Variants in ICA1 observed in about 807,000 individuals in gnomAD.
The protein encoded by ICA1 is islet cell autoantigen 1, also known as 69 kDa islet cell autoantigen.
A neutral mutation model predicts 71.0 loss-of-function variants in ICA1; 40 were observed. The observed-to-expected ratio is 0.56, with a 90% CI of 0.44 to 0.73. The LOEUF (loss-of-function observed/expected upper bound fraction) is 0.73, where lower values mean the gene tolerates loss of function less well. ICA1 is among the 30% of genes least tolerant of loss of function. The pLI, the probability that ICA1 is intolerant of heterozygous loss-of-function variation, is 0.00. For missense variants in ICA1, 578 were observed against 576.5 expected (o/e 1.00, Z -0.03); for synonymous variants, 207 against 209.5 (o/e 0.99, Z 0.10).
intron 6 of ICA1, among the ~76,000 whole-genome samples, chr7:8,199,842 G>T (rs1020864092): frequency 6.6e-6 from 1 of 152,208 alleles, no homozygotes; most frequent in Non-Finnish European, 1.5e-5. Flanking sequence ...TCACTTATTT[G>T]TGGAACCTAA....
rs769814593 is a variant in ICA1, at chr7:8,141,788, C to A, written c.932G>T (p.Arg311Leu). ...QLISLEEENQ[R>L]KESSSFKTED... Reference sequence around the variant, plus strand: ...ACTCTTAAAACTAGAGGATTCCTTGCGCTGGTTTTCTTCCTCTAATGAAAT... The same window carrying A: ...ACTCTTAAAACTAGAGGATTCCTTGAGCTGGTTTTCTTCCTCTAATGAAAT... Residue 311 changes from arginine (R) to leucine (L), a missense_variant, in exon 10 of 14, where the codon CGC (arginine) becomes CTC (leucine). Transcript: ENST00000402384. 3.8e-6 allele frequency: 6 copies of A among 1,569,624 alleles called. No individual in the cohort carries two copies. Among genetic ancestry groups the A allele is most frequent in the South Asian group, 2.3e-5 (2 of 86,802 alleles).
At chr7:8,129,675 C>A (rs1237081007) in intron 12 of ICA1, among the ~76,000 whole-genome samples, 1 of 152,176 alleles carries the variant, frequency 6.6e-6, no homozygotes, top group Non-Finnish European at 1.5e-5. Flanking sequence ...GCATTTTAAA[C>A]AGGCTTCTGA....
rs1343855286 is a variant in ICA1, at chr7:8,216,140, T to C, written c.579+2165A>G. Among the ~76,000 whole-genome samples the C allele has an allele frequency of 2.6e-5, 4 of 152,330 alleles. No homozygotes were observed. In the South Asian group the frequency reaches 8.3e-4, roughly 32 times the overall value. The stretch of plus-strand genomic sequence containing the variant: ...TGAGGTCAGCTGCAAATGGCGGGAA[T>C]GCCCTACAGGTTTGAGAAAACATGG... On this transcript the variant is annotated intron_variant, in intron 6 of 13. Coordinates refer to ENST00000402384, the MANE Select transcript of ICA1 (RefSeq NM_001136020.3).
At chr7:8,158,677 G>T in intron 6 of ICA1, 25 bp from the exon 7 acceptor site, 1 of 1,613,116 alleles carries the variant, frequency 6.2e-7, no homozygotes, top group South Asian at 1.1e-5. Flanking sequence ...AGGAATTTCT[G>T]AATCACCCTA....
At chr7:8,220,974 A>C (rs1428126279) in intron 5 of ICA1, among the ~76,000 whole-genome samples, 1 of 152,140 alleles carries the variant, frequency 6.6e-6, no homozygotes, top group Non-Finnish European at 1.5e-5. Context: ...TACAAGCAAC[A>C]CTGAAGGTCA....
chr7:8,138,986 T>C lies in ICA1; in HGVS notation c.1017A>G (p.Ser339=). 3 of 1,611,998 alleles carry C rather than the reference T, an allele frequency of 1.9e-6. No homozygotes were observed. The highest frequency in any genetic ancestry group is 3.3e-5 in the Admixed American group (2 of 59,984). ...LDKGSTHTAC[S]GPIDELLDMK... Reference sequence around the variant, plus strand: ...GTAGTTTTCCTTAATCTAGGTTACCTGAGCATGCAGTATGTGTAGAGCCTT... The same window carrying C: ...GTAGTTTTCCTTAATCTAGGTTACCCGAGCATGCAGTATGTGTAGAGCCTT... The change falls in exon 11 of 14, where the codon TCA becomes TCG. Residue 339 remains serine, a splice_region_variant and synonymous_variant. Coordinates refer to ENST00000402384, the MANE Select transcript of ICA1 (RefSeq NM_001136020.3).
At chr7:8,180,291 A>G (rs528270519) in intron 6 of ICA1, among the ~76,000 whole-genome samples, 8 of 152,160 alleles carry the variant, frequency 5.3e-5, no homozygotes, top group Non-Finnish European at 8.8e-5. Flanking sequence ...ATATTGTGAT[A>G]TCTAGTTTCT....
rs983160071 is a variant in ICA1 at position 8,130,832 on chromosome 7, G to C, written c.1061-2690C>G. Among the ~76,000 whole-genome samples, 1 of 152,174 alleles carries C rather than the reference G, an allele frequency of 6.6e-6. No individual in the cohort carries two copies. Among genetic ancestry groups the C allele is most frequent in the African/African-American group, 2.4e-5 (1 of 41,438 alleles). On this transcript the variant is annotated intron_variant, in intron 12 of 13. Transcript: ENST00000402384. This position sits in a 1 kb window ranked among gnomAD's most constrained non-coding sequence, Gnocchi z 4.2. ...TAATAGCTCCATCTTTGTTTTTATT[G>C]TTTAGGTTTTGTGCTATGGTGTTTA...
At chr7:8,134,830 G>C (rs1256819718) in intron 12 of ICA1, among the ~76,000 whole-genome samples, 1 of 151,578 alleles carries the variant, frequency 6.6e-6, no homozygotes, top group African/African-American at 2.4e-5. Flanking sequence ...CCTACTCCCT[G>C]AAAAACAAAA....
intron 6 of ICA1, among the ~76,000 whole-genome samples, chr7:8,174,324 C>T (rs1204789144): frequency 1.3e-5 from 2 of 152,086 alleles, no homozygotes; most frequent in Non-Finnish European, 2.9e-5. Flanking sequence ...TGAAAAGGTA[C>T]CTATGACAAT....
At chr7:8,213,628 G>T (rs184079030) in intron 6 of ICA1, among the ~76,000 whole-genome samples, 212 of 152,278 alleles carry the variant, frequency 1.4e-3, no homozygotes, top group Non-Finnish European at 2.3e-3. Flanking sequence ...AAAAACCAAT[G>T]ATTTCAGCAG....
At chr7:8,178,491 A>T (rs1781257289) in intron 6 of ICA1, among the ~76,000 whole-genome samples, 1 of 152,142 alleles carries the variant, frequency 6.6e-6, no homozygotes, top group African/African-American at 2.4e-5. Context: ...CCTGCTGCAC[A>T]GAAATATACA....
intron 8 of ICA1, among the ~76,000 whole-genome samples, chr7:8,154,977 T>C (rs1262175253): frequency 1.3e-5 from 2 of 152,182 alleles, no homozygotes; most frequent in Non-Finnish European, 2.9e-5. Context: ...TTTTTGACAC[T>C]AAAAGTAATG....
intron 2 of ICA1, 57 bp from the exon 3 acceptor site, chr7:8,232,812 T>C (rs1800666208): frequency 2.9e-6 from 4 of 1,382,604 alleles, no homozygotes; most frequent in South Asian, 1.7e-5. Flanking sequence ...TAAGATATTT[T>C]AGTGTGAAAT....
intron 6 of ICA1, among the ~76,000 whole-genome samples, chr7:8,195,270 C>G (rs1041918633): frequency 6.6e-6 from 1 of 152,210 alleles, no homozygotes; most frequent in African/African-American, 2.4e-5. Context: ...CGGTGGCCCA[C>G]GCCTGCAATC....
rs1319014108 is a variant in ICA1, at chr7:8,223,480, ATACT to A, written c.257-2086_257-2083del. On this transcript the variant is annotated intron_variant, in intron 4 of 13. Transcript: ENST00000402384. The surrounding 1 kb of genome is among the most constrained non-coding windows in gnomAD (Gnocchi z 4.1). ...AGGTGCTGACTCTGATTACTTGGCA[ATACT>A]TACTCAGAGGGCAGTGGAAAGAAGT... 6.5e-6 allele frequency: 1 copy of A among 154,628 alleles called. No individual in the cohort carries two copies. Among genetic ancestry groups the A allele is most frequent in the Non-Finnish European group, 1.5e-5 (1 of 68,050 alleles). 9.6% of individuals were successfully genotyped at this position (154,628 alleles called of 1,614,324 possible). A position where few individuals can be genotyped will look rare whatever the true frequency, so the allele number is the denominator to read the frequency against.
chr7:8,221,164 G>A (rs1796934174), intron 5 of ICA1, 111 bp downstream of exon 5: 5 of 1,339,774 alleles, frequency 3.7e-6, no homozygotes, highest in African/African-American at 2.9e-5. Context: ...CAGCTCCTCA[G>A]CCTCAGGCAA....
chr7:8,174,729 C>T (rs775800096), intron 6 of ICA1, among the ~76,000 whole-genome samples: 3 of 136,088 alleles, frequency 2.2e-5, no homozygotes, highest in Non-Finnish European at 4.6e-5. Context: ...GTGCTCCAGC[C>T]TGGGTGACAC....
intron 6 of ICA1, among the ~76,000 whole-genome samples, chr7:8,181,122 T>C (rs1333194340): frequency 6.6e-6 from 1 of 152,202 alleles, no homozygotes; most frequent in Non-Finnish European, 1.5e-5. Context: ...TTTGGACTTT[T>C]AAGTCTATGA....
Sources: allele counts gnomAD v4.1 joint callset (sites outside exome capture counted in the v4.1 genomes callset), GRCh38; gene constraint gnomAD v4.1.1; non-coding constraint Gnocchi (gnomAD v3.1); transcripts MANE v1.5; gene names NCBI Gene and HGNC (gene_info 2026-07-23, HGNC 2026-07-21).